EPHA3: variants seen among roughly 807,000 people sequenced by gnomAD.
EPHA3 encodes the protein ephrin type-A receptor 3.
A neutral mutation model predicts 107.1 loss-of-function variants in EPHA3; 42 were observed. The ratio of observed to expected loss-of-function variants is 0.39; its 90% CI spans 0.31 to 0.51. The LOEUF (loss-of-function observed/expected upper bound fraction) is 0.51. EPHA3 is among the 20% of genes least tolerant of loss of function. The probability of loss-of-function intolerance (pLI) is 0.78; values close to 1 mark genes in which losing one functional copy is unlikely to be tolerated. For synonymous variants in EPHA3, 461 were observed against 424.8 expected (o/e 1.09, Z -1.05); for missense variants, 1,183 against 1,211.2 (o/e 0.98, Z 0.35).
At chr3:89,126,481 T>G (rs976525776) in intron 1 of EPHA3, among the ~76,000 whole-genome samples, 1 of 151,712 alleles carries the variant, frequency 6.6e-6, no homozygotes, top group Non-Finnish European at 1.5e-5. Context: ...GCATGCTATA[T>G]TTTACTTTTT....
chr3:89,186,956 T>G (rs1401460755), intron 2 of EPHA3, among the ~76,000 whole-genome samples: 2 of 152,140 alleles, frequency 1.3e-5, no homozygotes, highest in Non-Finnish European at 2.9e-5. Context: ...AGTTATGCCA[T>G]GCAAAATGAT....
At chr3:89,358,120 A>G (rs1344866672) in intron 5 of EPHA3, among the ~76,000 whole-genome samples, 1 of 151,192 alleles carries the variant, frequency 6.6e-6, no homozygotes, top group African/African-American at 2.4e-5. Flanking sequence ...TATGGAGTCT[A>G]ACAGATATGA....
At chr3:89,115,849 G>C (rs1707242305) in intron 1 of EPHA3, among the ~76,000 whole-genome samples, 1 of 152,092 alleles carries the variant, frequency 6.6e-6, no homozygotes, top group South Asian at 2.1e-4. Context: ...TTTTCTCCTA[G>C]ACACAAATGA....
chr3:89,176,497 TAAA>T (rs55877149), intron 2 of EPHA3, among the ~76,000 whole-genome samples: 7 of 100,534 alleles, frequency 7.0e-5, no homozygotes, highest in Non-Finnish European at 5.9e-5. Context: ...ATTCCATCTC[TAAA>T]AAAAAAAAAA....
At chr3:89,384,558 T>C (rs1708577544) in intron 5 of EPHA3, among the ~76,000 whole-genome samples, 1 of 152,224 alleles carries the variant, frequency 6.6e-6, no homozygotes, top group Non-Finnish European at 1.5e-5. Context: ...GTGAAGCATG[T>C]ATTTTTCATA....
chr3:89,258,859 A>G (rs1441098183), intron 3 of EPHA3, among the ~76,000 whole-genome samples: 1 of 152,122 alleles, frequency 6.6e-6, no homozygotes, highest in African/African-American at 2.4e-5. Context: ...GGAGCAATGG[A>G]ACAGTTTTGC....
intron 2 of EPHA3, among the ~76,000 whole-genome samples, chr3:89,157,176 A>G (rs2107060449): frequency 6.6e-6 from 1 of 152,202 alleles, no homozygotes; most frequent in African/African-American, 2.4e-5. Context: ...AGTGCGATCC[A>G]GTGTTCCACT....
intron 3 of EPHA3, among the ~76,000 whole-genome samples, chr3:89,286,853 CT>C (rs1474851789): frequency 6.6e-6 from 1 of 152,010 alleles, no homozygotes; most frequent in Non-Finnish European, 1.5e-5. Context: ...AGTAAAAGCA[CT>C]TTTCCCCCCA....
chr3:89,114,732 C>G (rs1435205218), intron 1 of EPHA3, among the ~76,000 whole-genome samples: 1 of 152,196 alleles, frequency 6.6e-6, no homozygotes, highest in East Asian at 1.9e-4. Flanking sequence ...CGAACACGAG[C>G]GCCAGGAGGA....
chr3:89,127,861 T>A (rs1208827520), intron 2 of EPHA3, among the ~76,000 whole-genome samples: 1 of 152,114 alleles, frequency 6.6e-6, no homozygotes. Flanking sequence ...TCAATCCAGA[T>A]ACAAATTACA....
In EPHA3 at chr3:89,390,913, G is replaced by A. The variant is rs148351598; in HGVS notation, c.1307-4924G>A. Among the ~76,000 whole-genome samples the A allele has an allele frequency of 5.8e-3, 875 of 150,660 alleles. 7 individuals carry two copies. Among genetic ancestry groups the A allele is most frequent in the African/African-American group, 0.017 (684 of 40,940 alleles). On this transcript the variant is annotated intron_variant, in intron 5 of 16. Transcript: ENST00000336596. ...TCTGATTCTCCTGCCTCAGCCTCCC[G>A]AGTAGCTGGGATTATGGGTGCCCAG...
At chr3:89,125,363 A>G (rs1559742100) in intron 1 of EPHA3, among the ~76,000 whole-genome samples, 2 of 151,976 alleles carry the variant, frequency 1.3e-5, no homozygotes, top group Non-Finnish European at 3.0e-5. Flanking sequence ...TTTTATCAGA[A>G]TAAATGTTAG....
At chr3:89,113,410 C>G (rs1287710267) in intron 1 of EPHA3, among the ~76,000 whole-genome samples, 1 of 133,176 alleles carries the variant, frequency 7.5e-6, no homozygotes, top group Non-Finnish European at 1.5e-5. Flanking sequence ...GTTCTTGGAA[C>G]CTGGCAGGAG....
chr3:89,291,366 A>G (rs1310982674), intron 3 of EPHA3, among the ~76,000 whole-genome samples: 2 of 152,142 alleles, frequency 1.3e-5, no homozygotes, highest in African/African-American at 4.8e-5. Flanking sequence ...ATGAGTGTGT[A>G]CTATGGTATG....
chr3:89,444,071 C>T (rs1157610263), intron 13 of EPHA3, among the ~76,000 whole-genome samples: 1 of 152,168 alleles, frequency 6.6e-6, no homozygotes. Flanking sequence ...AGCAAGAAAA[C>T]TGCTCTCTGT....
At chr3:89,202,270 G>A (rs1184603121) in intron 2 of EPHA3, among the ~76,000 whole-genome samples, 5 of 151,686 alleles carry the variant, frequency 3.3e-5, no homozygotes, top group East Asian at 3.9e-4. Context: ...CGAGGCAGGC[G>A]GATCACTTGA....
chr3:89,473,696 G>A lies in EPHA3; in HGVS notation c.2846+1077G>A, dbSNP rs574150031. Among the ~76,000 whole-genome samples the A allele has an allele frequency of 1.7e-4, 26 of 152,278 alleles. No homozygotes were observed. In the South Asian group the frequency reaches 4.4e-3, roughly 26 times the overall value. ...TCTAAGTTACCAGGAGAGAAAGTAG[G>A]ACTGGCTCAGTCCCACTTGTACATT... On this transcript the variant is annotated intron_variant, in intron 16 of 16. Coordinates refer to ENST00000336596, the MANE Select transcript of EPHA3 (RefSeq NM_005233.6).
intron 3 of EPHA3, among the ~76,000 whole-genome samples, chr3:89,210,930 C>T (rs116584528): frequency 1.3e-5 from 2 of 152,044 alleles, no homozygotes; most frequent in African/African-American, 2.4e-5. Flanking sequence ...TATGCTGGTG[C>T]TCATCTATCT....
At chr3:89,449,107 C>A in intron 13 of EPHA3, 118 bp from the exon 14 acceptor site, 1 of 931,194 alleles carries the variant, frequency 1.1e-6, no homozygotes, top group Non-Finnish European at 1.5e-6. Context: ...CACAGAAATG[C>A]ATATTCCATT....
Sources: allele counts gnomAD v4.1 joint callset (sites outside exome capture counted in the v4.1 genomes callset), GRCh38; gene constraint gnomAD v4.1.1; transcripts MANE v1.5; gene names NCBI Gene and HGNC (gene_info 2026-07-23, HGNC 2026-07-21).